The following SGK3 variants were observed in gnomAD, a reference collection of about 807,000 sequenced individuals.
SGK3 encodes serum/glucocorticoid regulated kinase family member 3.
Under a neutral mutation model 68.5 loss-of-function variants are expected in SGK3, and 47 were observed. The observed-to-expected ratio is 0.69, with a 90% CI of 0.54 to 0.87. The LOEUF is 0.87. Among genes scored for constraint, SGK3 ranks in the 40% least tolerant of loss-of-function variants. SGK3 has a pLI of 0.00. For missense variants in SGK3, 479 were observed against 575.5 expected, an observed-to-expected ratio of 0.83 and a Z score of 1.72; for synonymous variants, 181 against 189.1, an observed-to-expected ratio of 0.96 and a Z score of 0.35.
At chr8:66,854,040 T>C (rs1315279355) in intron 16 of SGK3, among the ~76,000 whole-genome samples, 1 of 152,240 alleles carries the variant, frequency 6.6e-6, no homozygotes, top group Non-Finnish European at 1.5e-5. Flanking sequence ...CTATGAAGCA[T>C]ATCCTAACAT....
intron 1 of SGK3, among the ~76,000 whole-genome samples, chr8:66,772,779 T>G (rs1005400370): frequency 6.6e-6 from 1 of 150,962 alleles, no homozygotes; most frequent in Non-Finnish European, 1.5e-5. Context: ...ACCTGGCTAA[T>G]TTTTTTAATT....
chr8:66,821,092 G>A (rs1215754951), intron 5 of SGK3, among the ~76,000 whole-genome samples: 1 of 152,262 alleles, frequency 6.6e-6, no homozygotes, highest in East Asian at 1.9e-4. Context: ...ATTAAGGACA[G>A]ATTGGGGAGA....
intron 3 of SGK3, among the ~76,000 whole-genome samples, chr8:66,804,118 G>A (rs1221248165): frequency 6.6e-6 from 1 of 152,090 alleles, no homozygotes; most frequent in Non-Finnish European, 1.5e-5. Context: ...TCATTTTATA[G>A]GCAGGAAAAT....
intron 1 of SGK3, among the ~76,000 whole-genome samples, chr8:66,774,156 C>T (rs1806607133): frequency 6.6e-6 from 1 of 152,130 alleles, no homozygotes; most frequent in African/African-American, 2.4e-5. Flanking sequence ...TAAATCCCCT[C>T]GTTTTACTGA....
At chr8:66,854,342 G>T (rs1453780312) in intron 16 of SGK3, among the ~76,000 whole-genome samples, 3 of 152,174 alleles carry the variant, frequency 2.0e-5, no homozygotes, top group African/African-American at 4.8e-5. Context: ...CAAATTAGAG[G>T]TTCCCCCCAA....
Position 66,814,237 on chromosome 8 carries a change from G to A in SGK3, c.329+309G>A, listed in dbSNP as rs138253006. Among the ~76,000 whole-genome samples the A allele has an allele frequency of 3.8e-3, 577 of 152,228 alleles. 4 individuals carry two copies. The highest frequency in any genetic ancestry group is 0.013 in the African/African-American group (529 of 41,546). ...ATCTATACCTTCAAAAAGCATTTAA[G>A]TACCTGCTACTTGCATTGGGAATAT... On this transcript the variant is annotated intron_variant, in intron 5 of 16. Coordinates refer to ENST00000521198, the MANE Select transcript of SGK3 (RefSeq NM_001033578.3).
intron 1 of SGK3, among the ~76,000 whole-genome samples, chr8:66,718,058 G>C (rs2130322740): frequency 7.1e-6 from 1 of 139,908 alleles, no homozygotes; most frequent in African/African-American, 2.7e-5. Flanking sequence ...TGGAGTCTCA[G>C]TCTGTCACCC....
At chr8:66,857,359 C>T (rs1270164221) in intron 16 of SGK3, among the ~76,000 whole-genome samples, 1 of 152,192 alleles carries the variant, frequency 6.6e-6, no homozygotes, top group Non-Finnish European at 1.5e-5. Flanking sequence ...TCTATCAGCA[C>T]ACCCTCAGTT....
intron 1 of SGK3, among the ~76,000 whole-genome samples, chr8:66,720,164 C>T (rs766248356): frequency 6.6e-6 from 1 of 152,146 alleles, no homozygotes; most frequent in South Asian, 2.1e-4. Context: ...TAACATAAAG[C>T]GCATGTTCTT....
At chr8:66,727,938 A>C (rs1563597376) in intron 1 of SGK3, among the ~76,000 whole-genome samples, 1 of 152,260 alleles carries the variant, frequency 6.6e-6, no homozygotes, top group Non-Finnish European at 1.5e-5. Context: ...AAGACAGAAT[A>C]AACCCACAGC....
chr8:66,719,643 T>C (rs1175906448), intron 1 of SGK3, among the ~76,000 whole-genome samples: 1 of 152,218 alleles, frequency 6.6e-6, no homozygotes, highest in East Asian at 1.9e-4. Flanking sequence ...TTTAACACTA[T>C]ATATAGACAT....
At chr8:66,845,330 C>A (rs1185719997) in intron 14 of SGK3, among the ~76,000 whole-genome samples, 5 of 151,812 alleles carry the variant, frequency 3.3e-5, no homozygotes, top group African/African-American at 1.2e-4. Flanking sequence ...ACCTGGGAGG[C>A]GGAGGTTACA....
intron 1 of SGK3, among the ~76,000 whole-genome samples, chr8:66,769,701 C>T (rs1806443859): frequency 6.6e-6 from 1 of 152,052 alleles, no homozygotes. Context: ...TTCTTTGTCT[C>T]TACTTAACTT....
intron 1 of SGK3, among the ~76,000 whole-genome samples, chr8:66,729,292 T>C (rs1399747874): frequency 6.6e-6 from 1 of 151,050 alleles, no homozygotes; most frequent in Non-Finnish European, 1.5e-5. Context: ...CTGTCTCTAC[T>C]AAAAATACAA....
intron 16 of SGK3, among the ~76,000 whole-genome samples, chr8:66,856,456 TTTTTTGGA>T (rs1163731088): frequency 6.6e-6 from 1 of 152,110 alleles, no homozygotes; most frequent in African/African-American, 2.4e-5. Flanking sequence ...TTTGGGATTG[TTTTTTGGA>T]TTTTTGGATT....
chr8:66,714,395 C>G (rs1418338565), intron 1 of SGK3, among the ~76,000 whole-genome samples: 1 of 151,680 alleles, frequency 6.6e-6, no homozygotes, highest in Non-Finnish European at 1.5e-5. Flanking sequence ...CATTAGAGAC[C>G]CAATGTGGTG....
intron 5 of SGK3, among the ~76,000 whole-genome samples, chr8:66,816,248 C>T (rs143412713): frequency 0.035 from 5,324 of 151,688 alleles, 99 homozygotes; most frequent in Admixed American, 0.048. Context: ...ATGATCTGCC[C>T]GCCTTGGCCT....
intron 1 of SGK3, among the ~76,000 whole-genome samples, chr8:66,733,216 G>A (rs1262515492): frequency 1.3e-5 from 2 of 152,222 alleles, no homozygotes; most frequent in African/African-American, 2.4e-5. Flanking sequence ...GCTGCAGTAG[G>A]CTTTGCAGGT....
At chr8:66,816,283 T>C (rs1251062261) in intron 5 of SGK3, among the ~76,000 whole-genome samples, 2 of 151,432 alleles carry the variant, frequency 1.3e-5, no homozygotes, top group Non-Finnish European at 2.9e-5. Flanking sequence ...ACTACAGGCG[T>C]GATAAACTTA....
Sources: gnomAD v4.1 joint callset for allele counts (sites outside exome capture counted in the v4.1 genomes callset) on GRCh38, gnomAD v4.1.1 for gene constraint, MANE v1.5 for transcripts, NCBI Gene and HGNC (gene_info 2026-07-23, HGNC 2026-07-21) for gene names.